CDKAL1: variants seen among roughly 807,000 people sequenced by gnomAD.
CDKAL1 encodes the protein CDKAL1 threonylcarbamoyladenosine tRNA methylthiotransferase, also known as threonylcarbamoyladenosine tRNA methylthiotransferase.
Under a neutral mutation model 68.2 loss-of-function variants are expected in CDKAL1, and 32 were observed. The observed-to-expected ratio is 0.47, with a 90% CI of 0.35 to 0.63. The LOEUF (loss-of-function observed/expected upper bound fraction) is 0.63, where lower values mean the gene tolerates loss of function less well. CDKAL1 is among the 30% of genes least tolerant of loss of function. The pLI, the probability that CDKAL1 is intolerant of heterozygous loss-of-function variation, is 0.00. For missense variants in CDKAL1, 606 were observed against 696.7 expected, an observed-to-expected ratio of 0.87 and a Z score of 1.47; for synonymous variants, 234 against 244.3, an observed-to-expected ratio of 0.96 and a Z score of 0.39.
intron 4 of CDKAL1, among the ~76,000 whole-genome samples, chr6:20,589,725 C>T (rs767551527): frequency 2.6e-4 from 39 of 148,846 alleles, no homozygotes; most frequent in Admixed American, 4.7e-4. Flanking sequence ...ATTAGTTTTT[C>T]TCATATTTCA....
intron 4 of CDKAL1, among the ~76,000 whole-genome samples, chr6:20,646,701 C>T (rs915172658): frequency 1.3e-5 from 2 of 152,070 alleles, no homozygotes; most frequent in African/African-American, 4.8e-5. Flanking sequence ...AAGCTGGCAT[C>T]TGATACAGAT....
intron 4 of CDKAL1, among the ~76,000 whole-genome samples, chr6:20,582,172 T>TG (rs1765168311): frequency 6.6e-6 from 1 of 152,172 alleles, no homozygotes; most frequent in Non-Finnish European, 1.5e-5. Flanking sequence ...CCAATATATT[T>TG]GAGTATCTGT....
chr6:20,709,263 C>T (rs1771737588), intron 5 of CDKAL1, among the ~76,000 whole-genome samples: 1 of 152,054 alleles, frequency 6.6e-6, no homozygotes, highest in Admixed American at 6.6e-5. Flanking sequence ...TAATGAAGAA[C>T]AAAGTACTTT....
chr6:20,734,311 G>A (rs533576800), intron 5 of CDKAL1, among the ~76,000 whole-genome samples: 1 of 151,986 alleles, frequency 6.6e-6, no homozygotes. Context: ...TATGTTTCAA[G>A]AAAAAATGAC....
chr6:20,728,350 T>G (rs1357590473), intron 5 of CDKAL1, among the ~76,000 whole-genome samples: 1 of 152,196 alleles, frequency 6.6e-6, no homozygotes, highest in Non-Finnish European at 1.5e-5. Context: ...TTGTTGATTT[T>G]CATCGTTTAC....
At chr6:21,196,812 G>T (rs148139894) in intron 13 of CDKAL1, among the ~76,000 whole-genome samples, 2 of 152,214 alleles carry the variant, frequency 1.3e-5, no homozygotes, top group African/African-American at 4.8e-5. Context: ...CCCCGGCACA[G>T]TCATTCAGTA....
At position 21,121,117 on chromosome 6, in the gene CDKAL1, A is replaced by G. The variant is rs550952602; in HGVS notation, c.1299+12654A>G. 5.9e-5 allele frequency among the ~76,000 whole-genome samples: 9 copies of G among 152,302 alleles called. No individual in the cohort carries two copies. In the South Asian group the frequency reaches 1.4e-3, roughly 25 times the overall value. On this transcript the variant is annotated intron_variant, in intron 13 of 15. Transcript: ENST00000274695. The stretch of plus-strand genomic sequence containing the variant: ...TTTCCCCACACCCCTGCTATACACC[A>G]TGTCAACTAACTTTTAAAATCTTTC...
chr6:20,898,855 G>A (rs1173162958), intron 9 of CDKAL1, among the ~76,000 whole-genome samples: 1 of 152,022 alleles, frequency 6.6e-6, no homozygotes, highest in African/African-American at 2.4e-5. Context: ...AGGAGCTTCT[G>A]CTAAGATTCA....
At chr6:20,876,289 C>T (rs1760509174) in intron 9 of CDKAL1, among the ~76,000 whole-genome samples, 1 of 152,290 alleles carries the variant, frequency 6.6e-6, no homozygotes, top group South Asian at 2.1e-4. Flanking sequence ...GATTCTTTCA[C>T]TTGGGGCAGG....
At chr6:20,734,632 A>G (rs1773102396) in intron 5 of CDKAL1, among the ~76,000 whole-genome samples, 1 of 152,238 alleles carries the variant, frequency 6.6e-6, no homozygotes, top group African/African-American at 2.4e-5. Context: ...TGACTTGTAA[A>G]GTATGGTGTT....
intron 12 of CDKAL1, among the ~76,000 whole-genome samples, chr6:21,105,772 G>A (rs1010112103): frequency 6.6e-6 from 1 of 152,188 alleles, no homozygotes; most frequent in Non-Finnish European, 1.5e-5. Context: ...ACAGAAGCAA[G>A]ACAGGGGCAG....
intron 5 of CDKAL1, among the ~76,000 whole-genome samples, chr6:20,693,396 A>T (rs1236125346): frequency 6.6e-6 from 1 of 152,196 alleles, no homozygotes; most frequent in East Asian, 1.9e-4. Flanking sequence ...TCTTTTATTC[A>T]ATTCCAGGAC....
At chr6:20,748,297 T>G (rs577982816) in intron 6 of CDKAL1, among the ~76,000 whole-genome samples, 8 of 152,168 alleles carry the variant, frequency 5.3e-5, no homozygotes, top group South Asian at 2.1e-4. Flanking sequence ...GAGATCAGCC[T>G]GGGCAACATA....
chr6:20,551,608 G>A (rs896713839), intron 4 of CDKAL1, among the ~76,000 whole-genome samples: 11 of 152,006 alleles, frequency 7.2e-5, no homozygotes, highest in Non-Finnish European at 1.3e-4. Flanking sequence ...TTGACCTCGT[G>A]ATCCACCCGC....
Position 20,660,968 on chromosome 6 carries a change from G to A in CDKAL1, c.371+11591G>A, listed in dbSNP as rs1283817165. On this transcript the variant is annotated intron_variant, in intron 5 of 15. Coordinates refer to ENST00000274695, the MANE Select transcript of CDKAL1 (RefSeq NM_017774.3). ...ATACACCAGATATACCACCAAAATT[G>A]AAAAAAAAATCAACTGCTTGCTGTT... Among the ~76,000 whole-genome samples the A allele has an allele frequency of 4.0e-5, 6 of 150,146 alleles. 1 individual carries two copies. The highest frequency in any genetic ancestry group is 4.4e-5 in the Non-Finnish European group (3 of 67,438).
At chr6:20,690,053 T>G (rs535557049) in intron 5 of CDKAL1, among the ~76,000 whole-genome samples, 5 of 152,348 alleles carry the variant, frequency 3.3e-5, no homozygotes, top group Admixed American at 3.3e-4. Flanking sequence ...TATCTCCTTG[T>G]GTAATGGTTA....
At chr6:20,778,399 T>A (rs1320758932) in intron 7 of CDKAL1, among the ~76,000 whole-genome samples, 1 of 152,250 alleles carries the variant, frequency 6.6e-6, no homozygotes, top group Non-Finnish European at 1.5e-5. Context: ...AAAGGTCTTA[T>A]AACCATAATA....
intron 8 of CDKAL1, chr6:20,799,789 T>G (rs2150404022): frequency 6.6e-6 from 1 of 152,346 alleles, no homozygotes. Context: ...CGTGCACATG[T>G]GTACACCAGA....
At chr6:21,221,780 T>C (rs932486440) in intron 15 of CDKAL1, among the ~76,000 whole-genome samples, 2 of 152,222 alleles carry the variant, frequency 1.3e-5, no homozygotes, top group Admixed American at 1.3e-4. Context: ...GAGAAAAATT[T>C]ACACATGAGA....
Sources: gnomAD v4.1 joint callset for allele counts (sites outside exome capture counted in the v4.1 genomes callset) on GRCh38, gnomAD v4.1.1 for gene constraint, MANE v1.5 for transcripts, NCBI Gene and HGNC (gene_info 2026-07-23, HGNC 2026-07-21) for gene names.